The following APOOL variants were observed in gnomAD, a reference collection of about 807,000 sequenced individuals.
APOOL encodes MICOS complex subunit MIC27.
Under a neutral mutation model 23.1 loss-of-function variants are expected in APOOL, and 12 were observed. That is an observed-to-expected ratio of 0.52 (90% CI 0.33 to 0.84). The LOEUF (loss-of-function observed/expected upper bound fraction) is 0.84. APOOL is among the 40% of genes least tolerant of loss of function. The pLI, the probability that APOOL is intolerant of heterozygous loss-of-function variation, is 0.02. For synonymous variants in APOOL, 77 were observed against 69.9 expected (o/e 1.10, Z -0.51); for missense variants, 212 against 199.6 (o/e 1.06, Z -0.37).
At chrX:85,049,508 G>A (rs1045749453) in intron 2 of APOOL, among the ~76,000 whole-genome samples, 6 of 111,693 alleles carry the variant, frequency 5.4e-5, no homozygotes, top group African/African-American at 2.0e-4. Context: ...AACCCGTGAG[G>A]CGCAGTGCCT....
intron 5 of APOOL, among the ~76,000 whole-genome samples, chrX:85,059,176 T>A (rs909315789): frequency 1.8e-5 from 2 of 109,458 alleles, no homozygotes; most frequent in African/African-American, 6.7e-5. Flanking sequence ...CGGTTTCCAG[T>A]TTCATCCATG....
intron 2 of APOOL, among the ~76,000 whole-genome samples, chrX:85,049,013 T>C (rs1451697589): frequency 9.0e-6 from 1 of 111,386 alleles, no homozygotes; most frequent in African/African-American, 3.3e-5. Flanking sequence ...ACATTTCTTT[T>C]TAAAATCCCT....
intron 1 of APOOL, among the ~76,000 whole-genome samples, chrX:85,030,903 A>G (rs916509874): frequency 8.9e-6 from 1 of 112,276 alleles, no homozygotes; most frequent in Non-Finnish European, 1.9e-5. Flanking sequence ...TCCAAAAACT[A>G]TTGAAATAGT....
At chrX:85,026,094 G>A (rs962842223) in intron 1 of APOOL, among the ~76,000 whole-genome samples, 2 of 113,309 alleles carry the variant, frequency 1.8e-5, no homozygotes, top group African/African-American at 6.4e-5. Flanking sequence ...TATCCTCAGG[G>A]AAGAGGCTGC....
chrX:85,083,364 A>G (rs1378190657), intron 8 of APOOL, among the ~76,000 whole-genome samples: 1 of 111,631 alleles, frequency 9.0e-6, no homozygotes, highest in Non-Finnish European at 1.9e-5. Context: ...AAAAAGATGG[A>G]CAAAATGGAT....
chrX:85,076,995 TTA>T (rs752255967), intron 8 of APOOL, among the ~76,000 whole-genome samples: 6,829 of 82,318 alleles, frequency 0.083, 963 homozygotes, highest in African/African-American at 0.34. Context: ...TTTGCTAAAC[TTA>T]TATATATATA....
Position 85,074,422 on chromosome X carries a change from A to G in APOOL, c.718+31A>G, listed in dbSNP as rs754413901. The G allele has an allele frequency of 3.3e-6, 4 of 1,195,870 alleles. No individual in the cohort carries two copies. In the South Asian group the frequency reaches 7.2e-5, roughly 21 times the overall value. ...TTGGGTATAAGTCAATTTTGTTTTC[A>G]TTCTTTTCTTAAATAATTTGATAGC... is the stretch of plus-strand genomic sequence containing the variant. On this transcript the variant is annotated intron_variant, in intron 8 of 8. Coordinates refer to ENST00000373173, the MANE Select transcript of APOOL (RefSeq NM_198450.6).
chrX:85,009,706 C>T (rs1358037865), intron 1 of APOOL, among the ~76,000 whole-genome samples: 2 of 110,807 alleles, frequency 1.8e-5, no homozygotes, highest in African/African-American at 6.6e-5. Flanking sequence ...AAACTCGTAT[C>T]ATGGGCATTT....
chrX:85,020,390 T>C (rs1921622287), intron 1 of APOOL, among the ~76,000 whole-genome samples: 1 of 110,912 alleles, frequency 9.0e-6, no homozygotes, highest in Non-Finnish European at 1.9e-5. Context: ...GGCAGTGTAG[T>C]GTGGAGAGAA....
chrX:85,008,533 C>T (rs753759063), intron 1 of APOOL, among the ~76,000 whole-genome samples: 7 of 30,417 alleles, frequency 2.3e-4, no homozygotes, highest in African/African-American at 5.7e-4. Flanking sequence ...AATGATAACC[C>T]GTTGTGTGTG....
rs1252387170 is a variant in APOOL at position 85,025,101 on chromosome X, A to G, written c.15+21174A>G. Among the ~76,000 whole-genome samples, 5 of 111,926 alleles carry G rather than the reference A, an allele frequency of 4.5e-5. No homozygotes were observed. The Admixed American group carries it at 4.7e-4, about 11-fold the overall frequency. On this transcript the variant is annotated intron_variant, in intron 1 of 8. Coordinates refer to ENST00000373173, the MANE Select transcript of APOOL (RefSeq NM_198450.6). ...CTGGGGAGGCCTCACAAAGCCTCCA[A>G]TCATGGCAGACTACAAAAGGAGGAG...
intron 1 of APOOL, among the ~76,000 whole-genome samples, chrX:85,032,849 TA>T (rs1174740309): frequency 8.9e-6 from 1 of 112,275 alleles, no homozygotes; most frequent in African/African-American, 3.2e-5. Flanking sequence ...GCTAGAGCTC[TA>T]ATTTTGATGA....
rs150837249 is a variant in APOOL, at chrX:85,015,542, A to ATATTTATT, written c.15+11651_15+11658dup. Among the ~76,000 whole-genome samples, 411 of 98,971 alleles carry ATATTTATT rather than the reference A, an allele frequency of 4.2e-3. 1 individual carries two copies. The highest frequency in any genetic ancestry group is 0.01 in the Middle Eastern group (2 of 196). 85.9% of individuals were successfully genotyped at this position (98,971 alleles called of 115,157 possible). On this transcript the variant is annotated intron_variant, in intron 1 of 8. Transcript: ENST00000373173. Reference sequence around the variant, plus strand: ...TTTCCTTCTTAAGGATCGGACTTTAATATTTATTTATTTATTTATTTATTT... The same window carrying ATATTTATT: ...TTTCCTTCTTAAGGATCGGACTTTAATATTTATTTATTTATTTATTTATTTATTTATTT...
chrX:85,013,113 T>C (rs773961766), intron 1 of APOOL, among the ~76,000 whole-genome samples: 27 of 112,089 alleles, frequency 2.4e-4, no homozygotes, highest in Non-Finnish European at 4.3e-4. Context: ...GTTTTCTAGT[T>C]TGTGTGCACA....
At chrX:85,005,038 GTTCA>G (rs1177348464) in intron 1 of APOOL, among the ~76,000 whole-genome samples, 1 of 111,252 alleles carries the variant, frequency 9.0e-6, no homozygotes, top group Non-Finnish European at 1.9e-5. Flanking sequence ...TGTATTTATA[GTTCA>G]TTCATTCATT....
At chrX:85,048,120 G>A (rs1033118908) in intron 2 of APOOL, among the ~76,000 whole-genome samples, 2 of 110,530 alleles carry the variant, frequency 1.8e-5, no homozygotes, top group African/African-American at 6.6e-5. Context: ...TGATAATATT[G>A]CCAAACTAAC....
At chrX:85,039,626 T>C (rs1354015140) in intron 1 of APOOL, among the ~76,000 whole-genome samples, 1 of 111,886 alleles carries the variant, frequency 8.9e-6, no homozygotes, top group African/African-American at 3.2e-5. Flanking sequence ...TTAGTATTGT[T>C]AAGTCTTCTT....
chrX:85,078,715 A>G (rs1254121781), intron 8 of APOOL, among the ~76,000 whole-genome samples: 2 of 111,196 alleles, frequency 1.8e-5, no homozygotes, highest in African/African-American at 6.6e-5. Flanking sequence ...GATTGTTCCT[A>G]TCCATGATCA....
At chrX:85,051,277 A>G in intron 2 of APOOL, 112 bp from the exon 3 acceptor site, 1 of 846,980 alleles carries the variant, frequency 1.2e-6, no homozygotes, top group Non-Finnish European at 1.6e-6. Flanking sequence ...TTTTATCAGC[A>G]TTTTTAGTTG....
Sources: allele counts gnomAD v4.1 joint callset (sites outside exome capture counted in the v4.1 genomes callset), GRCh38; gene constraint gnomAD v4.1.1; transcripts MANE v1.5; gene names NCBI Gene and HGNC (gene_info 2026-07-23, HGNC 2026-07-21).